Variants in COL26A1 observed in about 807,000 individuals in gnomAD.
COL26A1 encodes collagen type XXVI alpha 1 chain, also known as collagen alpha-1(XXVI) chain.
A neutral mutation model predicts 59.3 loss-of-function variants in COL26A1; 41 were observed. The observed-to-expected ratio is 0.69, with a 90% CI of 0.54 to 0.90. The LOEUF (loss-of-function observed/expected upper bound fraction) is 0.90, where lower values mean the gene tolerates loss of function less well. Among genes scored for constraint, COL26A1 ranks in the 40% least tolerant of loss-of-function variants. The pLI, the probability that COL26A1 is intolerant of heterozygous loss-of-function variation, is 0.00. For synonymous variants in COL26A1, 266 were observed against 256.0 expected, an observed-to-expected ratio of 1.04 and a Z score of -0.37; for missense variants, 612 against 602.3, an observed-to-expected ratio of 1.02 and a Z score of -0.17.
intron 3 of COL26A1, among the ~76,000 whole-genome samples, chr7:101,461,733 A>G (rs961025563): frequency 1.2e-4 from 19 of 152,170 alleles, no homozygotes; most frequent in African/African-American, 4.3e-4. Flanking sequence ...GTCCCATCAC[A>G]TCCACACTGT....
At chr7:101,380,390 G>A (rs1328802797) in intron 1 of COL26A1, among the ~76,000 whole-genome samples, 1 of 150,794 alleles carries the variant, frequency 6.6e-6, no homozygotes, top group Non-Finnish European at 1.5e-5. Context: ...TGCCTTTCAG[G>A]TTCAAGCAAT....
At position 101,447,800 on chromosome 7, in the gene COL26A1, G is replaced by GTGCCTGC; in HGVS notation, c.385+13_385+14insTGCCTGC. 1 of 1,553,412 alleles carries GTGCCTGC rather than the reference G, an allele frequency of 6.4e-7. No homozygotes were observed. Among genetic ancestry groups the GTGCCTGC allele is most frequent in the Non-Finnish European group, 8.8e-7 (1 of 1,136,360 alleles). On this transcript the variant is annotated intron_variant, in intron 3 of 12. Transcript: ENST00000313669. ...AACTGTGATGAGGGTAAGTTGGCAG[G>GTGCCTGC]CACTTGGGCTGCAGGGGGCCAGGCG...
At chr7:101,500,238 C>T (rs767092911) in intron 3 of COL26A1, among the ~76,000 whole-genome samples, 8 of 151,962 alleles carry the variant, frequency 5.3e-5, no homozygotes, top group Non-Finnish European at 1.0e-4. Context: ...CGGGGATTGC[C>T]GGGAGGGGGG....
At chr7:101,538,819 G>C (rs1456421985) in intron 4 of COL26A1, among the ~76,000 whole-genome samples, 3 of 152,174 alleles carry the variant, frequency 2.0e-5, no homozygotes, top group Admixed American at 2.0e-4. Flanking sequence ...CCAGGCCCAG[G>C]GGCACTGCAG....
intron 10 of COL26A1, 91 bp from the exon 11 acceptor site, chr7:101,553,235 C>G (rs1795897293): frequency 1.5e-5 from 18 of 1,211,256 alleles, no homozygotes; most frequent in Non-Finnish European, 2.2e-5. Flanking sequence ...CAGCCTGCCC[C>G]TGACTCCCTG....
intron 3 of COL26A1, among the ~76,000 whole-genome samples, chr7:101,481,410 A>ATT (rs1390229647): frequency 1.4e-5 from 2 of 145,086 alleles, no homozygotes; most frequent in African/African-American, 5.1e-5. Context: ...ATTTATCACA[A>ATT]TTATATATAT....
chr7:101,410,482 A>C (rs941511757), intron 1 of COL26A1, among the ~76,000 whole-genome samples: 3 of 152,200 alleles, frequency 2.0e-5, no homozygotes, highest in Non-Finnish European at 4.4e-5. Flanking sequence ...CTAGGAGAGG[A>C]AGGTAGTGAA....
intron 3 of COL26A1, among the ~76,000 whole-genome samples, chr7:101,458,798 C>G (rs1211609778): frequency 7.5e-6 from 1 of 133,160 alleles, no homozygotes; most frequent in African/African-American, 3.0e-5. Flanking sequence ...GAACTGAAAC[C>G]TGGGTCTTTT....
chr7:101,365,069 A>G (rs1791008296), intron 1 of COL26A1, among the ~76,000 whole-genome samples: 1 of 152,192 alleles, frequency 6.6e-6, no homozygotes, highest in African/African-American at 2.4e-5. Flanking sequence ...GACCCAGAAA[A>G]GCATAAAAGT....
At position 101,366,457 on chromosome 7, in the gene COL26A1, C is replaced by A. The variant is rs180785596; in HGVS notation, c.158+3267C>A. ...GAGTGCTTTAATTTCATTGTTACTG[C>A]TCCTTGTTAACGTCTGATTTTTTTT... On this transcript the variant is annotated intron_variant, in intron 1 of 12. Transcript: ENST00000313669. 3.1e-4 allele frequency among the ~76,000 whole-genome samples: 40 copies of A among 128,932 alleles called. No homozygotes were observed. The East Asian group carries it at 8.7e-3, about 28-fold the overall frequency. 84.6% of individuals were successfully genotyped at this position (128,932 alleles called of 152,430 possible). A position where few individuals can be genotyped will look rare whatever the true frequency, so the allele number is the denominator to read the frequency against.
intron 3 of COL26A1, among the ~76,000 whole-genome samples, chr7:101,450,110 T>C (rs2097906): frequency 0.41 from 59,465 of 145,468 alleles, 14,694 homozygotes; most frequent in African/African-American, 0.7. Flanking sequence ...GATGACAGAG[T>C]GAGACTCAGT....
chr7:101,363,214 C>T, intron 1 of COL26A1, 24 bp downstream of exon 1: 2 of 1,195,840 alleles, frequency 1.7e-6, no homozygotes, highest in Non-Finnish European at 2.2e-6. Flanking sequence ...GGCCGAGGGG[C>T]CGGGGGGTGG....
chr7:101,556,889 C>G (rs1337836519), intron 12 of COL26A1, among the ~76,000 whole-genome samples: 1 of 102,220 alleles, frequency 9.8e-6, no homozygotes, highest in South Asian at 3.2e-4. Context: ...AAATGAATGA[C>G]TGAGTGGATG....
Position 101,544,108 on chromosome 7 carries a change from C to G in COL26A1, c.703+12C>G. On this transcript the variant is annotated intron_variant, in intron 6 of 12. Transcript: ENST00000313669. Reference sequence around the variant, plus strand: ...AGCGGGGCCGCCTGGTAAGAAAACCCCCCACATATGTGATGTTGTCAACCT... The same window carrying G: ...AGCGGGGCCGCCTGGTAAGAAAACCGCCCACATATGTGATGTTGTCAACCT... The G allele has an allele frequency of 1.9e-6, 3 of 1,585,804 alleles. No individual in the cohort carries two copies. The highest frequency in any genetic ancestry group is 1.7e-6 in the Non-Finnish European group (2 of 1,164,274).
rs907046719 is a variant in COL26A1 at position 101,447,639 on chromosome 7, G to A, written c.282-45G>A. 10 of 1,290,436 alleles carry A rather than the reference G, an allele frequency of 7.7e-6. No homozygotes were observed. In the African/African-American group the frequency reaches 1.3e-4, roughly 17 times the overall value. 79.9% of individuals were successfully genotyped at this position (1,290,436 alleles called of 1,614,324 possible). On this transcript the variant is annotated intron_variant, in intron 2 of 12. Transcript: ENST00000313669. ...CTTTGCAGCAGTGGGGTCTGGAGGT[G>A]GGTGGGTGGGAGCTCATGCCCCCCT...
intron 3 of COL26A1, among the ~76,000 whole-genome samples, chr7:101,478,552 G>A (rs966351015): frequency 3.9e-5 from 6 of 152,098 alleles, no homozygotes; most frequent in Middle Eastern, 6.8e-3. Context: ...TACACAAAAC[G>A]CCCCATAAAA....
chr7:101,465,554 C>T (rs996796977), intron 3 of COL26A1, among the ~76,000 whole-genome samples: 3 of 151,774 alleles, frequency 2.0e-5, no homozygotes, highest in African/African-American at 4.8e-5. Flanking sequence ...ATCAGTCGGG[C>T]GTGGTGGTGC....
chr7:101,401,104 A>G (rs1791986120), intron 1 of COL26A1, among the ~76,000 whole-genome samples: 1 of 152,144 alleles, frequency 6.6e-6, no homozygotes, highest in Admixed American at 6.6e-5. Flanking sequence ...TTGCAGACCC[A>G]GGGATGGCGC....
In COL26A1 at chr7:101,553,360, A is replaced by G. The variant is rs760736857; in HGVS notation, c.1064A>G (p.Lys355Arg). Residue 355 changes from lysine to arginine, a missense_variant, in exon 11 of 13, where the codon AAA (lysine) becomes AGA (arginine). Lys to Arg is a conservative substitution (Grantham distance 26, BLOSUM62 2). Transcript: ENST00000313669. The part of the protein sequence containing the change: ...EPGVKGEEGE[K>R]AATAEGEGVQ... ...GGCGTGAAGGGGGAAGAAGGAGAGA[A>G]AGCCGCCACTGCAGAGGTAACCATG... 3 of 1,613,762 alleles carry G rather than the reference A, an allele frequency of 1.9e-6. No individual in the cohort carries two copies. The South Asian group carries it at 3.3e-5, about 18-fold the overall frequency.
Sources: gnomAD v4.1 joint callset for allele counts (sites outside exome capture counted in the v4.1 genomes callset) on GRCh38, gnomAD v4.1.1 for gene constraint, MANE v1.5 for transcripts, NCBI Gene and HGNC (gene_info 2026-07-23, HGNC 2026-07-21) for gene names.